Variants in KLHL22 observed in about 807,000 individuals in gnomAD.
The protein encoded by KLHL22 is kelch-like protein 22.
Under a neutral mutation model 60.7 loss-of-function variants are expected in KLHL22, and 18 were observed. The observed-to-expected ratio is 0.30, with a 90% CI of 0.20 to 0.44. The LOEUF is 0.44. Ranked by LOEUF, KLHL22 falls within the 20% of genes least tolerant of loss-of-function variation. The pLI, the probability that KLHL22 is intolerant of heterozygous loss-of-function variation, is 1.00. For synonymous variants in KLHL22, 355 were observed against 354.5 expected, an observed-to-expected ratio of 1.00 and a Z score of -0.01; for missense variants, 596 against 852.3, an observed-to-expected ratio of 0.70 and a Z score of 3.74.
intron 5 of KLHL22, among the ~76,000 whole-genome samples, chr22:20,455,473 C>G (rs1221903614): frequency 1.3e-5 from 2 of 152,208 alleles, no homozygotes; most frequent in African/African-American, 4.8e-5. Flanking sequence ...TTCTGCTAGA[C>G]TAGGCAGATG....
At chr22:20,480,747 C>A (rs560571676) in intron 2 of KLHL22, among the ~76,000 whole-genome samples, 8 of 151,542 alleles carry the variant, frequency 5.3e-5, no homozygotes, top group African/African-American at 1.7e-4. Context: ...AAGACTCACA[C>A]TAGGATAAAA....
intron 6 of KLHL22, among the ~76,000 whole-genome samples, chr22:20,442,994 C>G (rs1334860101): frequency 6.6e-6 from 1 of 152,174 alleles, no homozygotes; most frequent in African/African-American, 2.4e-5. Context: ...AAACAGTAAA[C>G]AAAGACATGG....
At chr22:20,447,841 G>A (rs903633918) in intron 5 of KLHL22, among the ~76,000 whole-genome samples, 2 of 152,148 alleles carry the variant, frequency 1.3e-5, no homozygotes, top group Non-Finnish European at 2.9e-5. Context: ...ACGCCCAGCC[G>A]AGGTTTTTCT....
At chr22:20,486,137 A>G (rs2053583103) in intron 2 of KLHL22, among the ~76,000 whole-genome samples, 1 of 145,648 alleles carries the variant, frequency 6.9e-6, no homozygotes, top group Non-Finnish European at 1.5e-5. Flanking sequence ...ACTGCACTCC[A>G]GCCTGGGTGA....
chr22:20,480,641 A>C lies in KLHL22; in HGVS notation c.227+8344T>G, dbSNP rs558944950. Among the ~76,000 whole-genome samples the C allele has an allele frequency of 3.3e-5, 5 of 152,252 alleles. No individual in the cohort carries two copies. The East Asian group carries it at 5.8e-4, about 18-fold the overall frequency. ...GAATTCAGAAGGTTCCAACGTGAGA[A>C]ATACTGTACACATGCCACATAGGAT... On this transcript the variant is annotated intron_variant, in intron 2 of 6. Coordinates refer to ENST00000328879, the MANE Select transcript of KLHL22 (RefSeq NM_032775.4).
At chr22:20,476,590 T>C (rs2053417513) in intron 2 of KLHL22, among the ~76,000 whole-genome samples, 1 of 151,354 alleles carries the variant, frequency 6.6e-6, no homozygotes, top group Non-Finnish European at 1.5e-5. Flanking sequence ...ATTTTTTGTA[T>C]TTTTAGTAGA....
At chr22:20,445,576 G>T (rs902904281) in intron 6 of KLHL22, among the ~76,000 whole-genome samples, 3 of 152,102 alleles carry the variant, frequency 2.0e-5, no homozygotes, top group Non-Finnish European at 4.4e-5. Context: ...TTGTTCTGTT[G>T]TTTTGTTTTA....
chr22:20,470,181 AAT>A lies in KLHL22; in HGVS notation c.393+1167_393+1168del, dbSNP rs1309339263. Reference sequence around the variant, plus strand: ...TAACAAGGCCCCATTCCTATAAAAAAATATATATATATATAATATCAGCTAGG... The same window carrying A: ...TAACAAGGCCCCATTCCTATAAAAAAATATATATATATAATATCAGCTAGG... On this transcript the variant is annotated intron_variant, in intron 3 of 6. Coordinates refer to ENST00000328879, the MANE Select transcript of KLHL22 (RefSeq NM_032775.4). 1.5e-4 allele frequency among the ~76,000 whole-genome samples: 22 copies of A among 151,046 alleles called. No individual in the cohort carries two copies. The South Asian group carries it at 4.0e-3, about 27-fold the overall frequency.
At chr22:20,488,639 T>TCTCGGTGGTC in intron 2 of KLHL22, 1 of 265,654 alleles carries the variant, frequency 3.8e-6, no homozygotes, top group Non-Finnish European at 6.9e-6. Context: ...CAGAAGGTGA[T>TCTCGGTGGTC]GCATACACAG....
In KLHL22 at chr22:20,442,323, C is replaced by T. The variant is rs1472017813; in HGVS notation, c.1655G>A (p.Arg552His). ...TGTGCGGCTGCCGCGGTTGTGTGAG[C>T]GGCCACCTAACACATAGATCCTGTT... ...LDNRIYVLGG[R>H]SHNRGSRTGY... The change falls in exon 7 of 7, where the codon CGC becomes CAC. Residue 552 changes from arginine to histidine, a missense_variant. Physicochemically the swap from Arg to His is conservative, Grantham distance 29. Coordinates refer to ENST00000328879, the MANE Select transcript of KLHL22 (RefSeq NM_032775.4). 1 of 1,613,854 alleles carries T rather than the reference C, an allele frequency of 6.2e-7. No homozygotes were observed. Among genetic ancestry groups the T allele is most frequent in the Non-Finnish European group, 8.5e-7 (1 of 1,180,038 alleles).
At chr22:20,455,172 C>T (rs12157521) in intron 5 of KLHL22, among the ~76,000 whole-genome samples, 2,955 of 152,274 alleles carry the variant, frequency 0.019, 115 homozygotes, top group African/African-American at 0.067. Context: ...CGTGAGCCAC[C>T]GCGCCCTGCC....
rs146754755 is a variant in KLHL22, at chr22:20,488,190, C to T, written c.227+795G>A. Among the ~76,000 whole-genome samples the T allele has an allele frequency of 7.4e-3, 1,123 of 152,206 alleles. 7 individuals carry two copies. Among genetic ancestry groups the T allele is most frequent in the Non-Finnish European group, 0.012 (844 of 68,008 alleles). Reference sequence around the variant, plus strand: ...GAGAACTACAACTAAGCCTTGAAGACAAAATGATTGAACAGAATCAGAGCT... The same window carrying T: ...GAGAACTACAACTAAGCCTTGAAGATAAAATGATTGAACAGAATCAGAGCT... On this transcript the variant is annotated intron_variant, in intron 2 of 6. Transcript: ENST00000328879.
At chr22:20,470,786 A>AAATG (rs142562911) in intron 3 of KLHL22, among the ~76,000 whole-genome samples, 4 of 137,648 alleles carry the variant, frequency 2.9e-5, no homozygotes, top group Admixed American at 2.9e-4. Flanking sequence ...ATGGATGGAT[A>AAATG]GATGGATGGA....
intron 3 of KLHL22, among the ~76,000 whole-genome samples, chr22:20,470,011 A>C (rs1171148007): frequency 6.6e-6 from 1 of 151,914 alleles, no homozygotes; most frequent in African/African-American, 2.4e-5. Context: ...GCCTCAGAAA[A>C]CTTTTTGAAT....
At chr22:20,476,405 A>ATTTTT (rs57189584) in intron 2 of KLHL22, among the ~76,000 whole-genome samples, 2 of 69,352 alleles carry the variant, frequency 2.9e-5, no homozygotes, top group Non-Finnish European at 5.0e-5. Context: ...ATTGACACAG[A>ATTTTT]TTTTTTTTTT....
intron 2 of KLHL22, among the ~76,000 whole-genome samples, chr22:20,484,711 T>C (rs1021977200): frequency 6.7e-6 from 1 of 149,864 alleles, no homozygotes; most frequent in Admixed American, 6.7e-5. Flanking sequence ...GGATTATAGG[T>C]GTGAGCCACT....
chr22:20,476,574 C>T (rs1207896832), intron 2 of KLHL22, among the ~76,000 whole-genome samples: 8 of 149,728 alleles, frequency 5.3e-5, no homozygotes, highest in Admixed American at 1.3e-4. Flanking sequence ...CCACGTCGCC[C>T]GGCTAATTTT....
chr22:20,447,905 A>G (rs2052901078), intron 5 of KLHL22, among the ~76,000 whole-genome samples: 1 of 152,136 alleles, frequency 6.6e-6, no homozygotes, highest in Admixed American at 6.5e-5. Context: ...AGTTGGAAGT[A>G]AAAATACAGA....
At chr22:20,486,468 G>C (rs2146281830) in intron 2 of KLHL22, among the ~76,000 whole-genome samples, 1 of 152,174 alleles carries the variant, frequency 6.6e-6, no homozygotes, top group African/African-American at 2.4e-5. Flanking sequence ...ATGACACCTA[G>C]ACACCCAACA....
Sources: gnomAD v4.1 joint callset for allele counts (sites outside exome capture counted in the v4.1 genomes callset) on GRCh38, gnomAD v4.1.1 for gene constraint, MANE v1.5 for transcripts, NCBI Gene and HGNC (gene_info 2026-07-23, HGNC 2026-07-21) for gene names.